The following FGF12 variants were observed in gnomAD, a reference collection of about 807,000 sequenced individuals.
FGF12 encodes the protein fibroblast growth factor 12.
Under a neutral mutation model 23.6 loss-of-function variants are expected in FGF12, and 14 were observed. The ratio of observed to expected loss-of-function variants is 0.59; its 90% CI spans 0.39 to 0.93. The LOEUF (loss-of-function observed/expected upper bound fraction) is 0.93, where lower values mean the gene tolerates loss of function less well. Ranked by LOEUF, FGF12 falls within the 40% of genes least tolerant of loss-of-function variation. The pLI, the probability that FGF12 is intolerant of heterozygous loss-of-function variation, is 0.00. For synonymous variants in FGF12, 62 were observed against 77.3 expected (o/e 0.80, Z 1.04); for missense variants, 175 against 217.8 (o/e 0.80, Z 1.24).
intron 4 of FGF12, among the ~76,000 whole-genome samples, chr3:192,257,179 G>A (rs1297025826): frequency 1.3e-5 from 2 of 152,060 alleles, no homozygotes; most frequent in Non-Finnish European, 1.5e-5. Flanking sequence ...CATTTTATCA[G>A]ATTAAATAAG....
intron 4 of FGF12, among the ~76,000 whole-genome samples, chr3:192,270,905 GA>G (rs1318310222): frequency 6.6e-6 from 1 of 152,060 alleles, no homozygotes; most frequent in African/African-American, 2.4e-5. Context: ...GTGGATGTTA[GA>G]ATTCCACCAA....
At chr3:192,299,033 C>G (rs564801519) in intron 4 of FGF12, among the ~76,000 whole-genome samples, 1 of 152,344 alleles carries the variant, frequency 6.6e-6, no homozygotes, top group East Asian at 1.9e-4. Context: ...ACGACCTGAA[C>G]ACCTCCCACC....
intron 2 of FGF12, among the ~76,000 whole-genome samples, chr3:192,603,687 A>G (rs1714214067): frequency 6.6e-6 from 1 of 152,160 alleles, no homozygotes; most frequent in African/African-American, 2.4e-5. Flanking sequence ...GTGTCTGAAC[A>G]GGGAGTAGGT....
chr3:192,327,566 AT>A (rs1317625298), intron 4 of FGF12, among the ~76,000 whole-genome samples: 13 of 151,862 alleles, frequency 8.6e-5, no homozygotes, highest in Non-Finnish European at 1.8e-4. Context: ...TTTGAAAAAA[AT>A]AAACCTTTTA....
chr3:192,215,978 G>A (rs75917021), intron 4 of FGF12, among the ~76,000 whole-genome samples: 2,499 of 152,182 alleles, frequency 0.016, 36 homozygotes, highest in Non-Finnish European at 0.024. Context: ...GTTGAATATA[G>A]TCATGATTAA....
intron 2 of FGF12, among the ~76,000 whole-genome samples, chr3:192,639,457 G>A (rs937244067): frequency 3.3e-5 from 5 of 152,104 alleles, no homozygotes; most frequent in Non-Finnish European, 7.4e-5. Context: ...CTGGGCATAC[G>A]CCCCCAAAAA....
chr3:192,293,581 G>GT (rs1232865126), intron 4 of FGF12, among the ~76,000 whole-genome samples: 1 of 152,246 alleles, frequency 6.6e-6, no homozygotes, highest in East Asian at 1.9e-4. Context: ...AATAATGCAG[G>GT]TGAATAAAGC....
In FGF12 at chr3:192,336,108, T is replaced by TACAC. The variant is rs34991386; in HGVS notation, c.125-648_125-645dup. On this transcript the variant is annotated intron_variant, in intron 3 of 5. Coordinates refer to ENST00000445105, the MANE Select transcript of FGF12 (RefSeq NM_004113.6). The surrounding 1 kb of genome is among the most constrained non-coding windows in gnomAD (Gnocchi z 4.3). ...ATATATTTTATATCCAGGTGGGAAA[T>TACAC]ACACACACACACACACACACACACA... 0.12 allele frequency among the ~76,000 whole-genome samples: 17,625 copies of TACAC among 143,902 alleles called. 1,112 individuals are homozygous for TACAC. Among genetic ancestry groups the TACAC allele is most frequent in the South Asian group, 0.2 (883 of 4,500 alleles). 94.4% of individuals were successfully genotyped at this position (143,902 alleles called of 152,430 possible).
At chr3:192,173,199 T>C (rs1333925866) in intron 4 of FGF12, among the ~76,000 whole-genome samples, 1 of 150,868 alleles carries the variant, frequency 6.6e-6, no homozygotes, top group African/African-American at 2.4e-5. Flanking sequence ...TGGGATTAGA[T>C]ACCGGTGATG....
At chr3:192,314,596 G>A (rs35489736) in intron 4 of FGF12, among the ~76,000 whole-genome samples, 5,694 of 152,190 alleles carry the variant, frequency 0.037, 339 homozygotes, top group African/African-American at 0.13. Context: ...AACCAATACC[G>A]ATAAATGTCT....
At chr3:192,441,878 T>TA (rs1722210750) in intron 2 of FGF12, among the ~76,000 whole-genome samples, 1 of 152,248 alleles carries the variant, frequency 6.6e-6, no homozygotes, top group South Asian at 2.1e-4. Flanking sequence ...CCAAGGTCCA[T>TA]ACTTGTACCA....
intron 4 of FGF12, among the ~76,000 whole-genome samples, chr3:192,280,423 CTG>C (rs1332648115): frequency 6.6e-6 from 1 of 151,972 alleles, no homozygotes; most frequent in African/African-American, 2.4e-5. Context: ...TTATAATTAT[CTG>C]TAATTATAAA....
At chr3:192,545,355 T>A (rs777855152) in intron 2 of FGF12, among the ~76,000 whole-genome samples, 49 of 152,236 alleles carry the variant, frequency 3.2e-4, no homozygotes, top group Non-Finnish European at 6.2e-4. Context: ...TGATAAATGT[T>A]ATCACAAAGG....
At position 192,587,884 on chromosome 3, in the gene FGF12, A is replaced by C. The variant is rs1713437749; in HGVS notation, c.13+139297T>G. Among the ~76,000 whole-genome samples the C allele has an allele frequency of 2.0e-5, 3 of 152,036 alleles. No individual in the cohort carries two copies. In the South Asian group the frequency reaches 6.3e-4, roughly 32 times the overall value. On this transcript the variant is annotated intron_variant, in intron 2 of 5. Coordinates refer to ENST00000445105, the MANE Select transcript of FGF12 (RefSeq NM_004113.6). ...GAGGAAAAAGAATTTCTAATTCTAAAACTTTGGGCACCACCTTCTTAAAAC... is the reference window on the plus strand; with the variant it reads ...GAGGAAAAAGAATTTCTAATTCTAACACTTTGGGCACCACCTTCTTAAAAC...
chr3:192,500,971 C>T (rs964085613), intron 2 of FGF12, among the ~76,000 whole-genome samples: 4 of 152,140 alleles, frequency 2.6e-5, no homozygotes, highest in East Asian at 1.9e-4. Context: ...TACTCTCAGC[C>T]GCTGTAGTAG....
intron 4 of FGF12, among the ~76,000 whole-genome samples, chr3:192,257,605 T>C (rs1451169897): frequency 6.6e-6 from 1 of 152,162 alleles, no homozygotes; most frequent in Non-Finnish European, 1.5e-5. Context: ...AGTTCATCTA[T>C]TTCATGAAAA....
chr3:192,423,037 C>A (rs2108785279), intron 2 of FGF12, among the ~76,000 whole-genome samples: 1 of 152,286 alleles, frequency 6.6e-6, no homozygotes, highest in East Asian at 1.9e-4. Flanking sequence ...TCTAAGTAAG[C>A]CTTGATATGA....
At chr3:192,512,859 T>TATATATATATATATATATATATATATATA (rs376386122) in intron 2 of FGF12, among the ~76,000 whole-genome samples, 36 of 57,376 alleles carry the variant, frequency 6.3e-4, no homozygotes, top group Non-Finnish European at 1.1e-3. Flanking sequence ...TATATATATA[T>TATATATATATATATATATATATATATATA]AACAGGCTAT....
intron 2 of FGF12, among the ~76,000 whole-genome samples, chr3:192,594,824 A>G (rs1190641666): frequency 6.6e-6 from 1 of 151,958 alleles, no homozygotes; most frequent in African/African-American, 2.4e-5. Flanking sequence ...TAAGAAATAA[A>G]TTTGTTTATA....
Sources: allele counts gnomAD v4.1 joint callset (sites outside exome capture counted in the v4.1 genomes callset), GRCh38; gene constraint gnomAD v4.1.1; non-coding constraint Gnocchi (gnomAD v3.1); transcripts MANE v1.5; gene names NCBI Gene and HGNC (gene_info 2026-07-23, HGNC 2026-07-21).